ADAMTSL1: variants seen among roughly 807,000 people sequenced by gnomAD.
ADAMTSL1 encodes ADAMTS like 1.
ADAMTSL1 carries 126 observed loss-of-function variants against 201.8 expected under a neutral mutation model. That is an observed-to-expected ratio of 0.62 (90% CI 0.54 to 0.72). The LOEUF (loss-of-function observed/expected upper bound fraction) is 0.72, where lower values mean the gene tolerates loss of function less well. Ranked by LOEUF, ADAMTSL1 falls within the 30% of genes least tolerant of loss-of-function variation. ADAMTSL1 has a pLI of 0.00. For synonymous variants in ADAMTSL1, 1,121 were observed against 903.4 expected (o/e 1.24, Z -4.32); for missense variants, 2,679 against 2,277.8 (o/e 1.18, Z -3.59).
At chr9:18,054,787 A>T (rs573164934) in intron 1 of ADAMTSL1, among the ~76,000 whole-genome samples, 1 of 152,234 alleles carries the variant, frequency 6.6e-6, no homozygotes, top group Admixed American at 6.5e-5. Flanking sequence ...AGAGTTCCAT[A>T]TATTTCCAGA....
chr9:17,951,531 C>A (rs539040098), intron 1 of ADAMTSL1, among the ~76,000 whole-genome samples: 5 of 151,902 alleles, frequency 3.3e-5, no homozygotes, highest in Non-Finnish European at 7.4e-5. Context: ...TTTAATGTAC[C>A]TTTCCTTGAT....
intron 1 of ADAMTSL1, among the ~76,000 whole-genome samples, chr9:18,054,816 T>C (rs1447488997): frequency 1.3e-5 from 2 of 152,364 alleles, no homozygotes; most frequent in Admixed American, 1.3e-4. Flanking sequence ...AGGATGTGGA[T>C]AAATTTAAAA....
intron 2 of ADAMTSL1, among the ~76,000 whole-genome samples, chr9:18,269,233 T>C (rs1832259791): frequency 6.6e-6 from 1 of 152,154 alleles, no homozygotes; most frequent in African/African-American, 2.4e-5. Flanking sequence ...ACATATCATT[T>C]CTCTCCAGCT....
chr9:18,844,300 C>G (rs182427102), intron 23 of ADAMTSL1, among the ~76,000 whole-genome samples: 1 of 152,212 alleles, frequency 6.6e-6, no homozygotes, highest in South Asian at 2.1e-4. Context: ...TAGAGGTCCA[C>G]TCCAGACCCT....
chr9:18,126,735 G>A (rs1587111875), intron 1 of ADAMTSL1, among the ~76,000 whole-genome samples: 1 of 152,284 alleles, frequency 6.6e-6, no homozygotes. Flanking sequence ...CATGACTTGG[G>A]TAAATCTAGT....
At chr9:18,165,892 G>T (rs955204578) in intron 2 of ADAMTSL1, among the ~76,000 whole-genome samples, 3 of 151,930 alleles carry the variant, frequency 2.0e-5, no homozygotes, top group African/African-American at 7.2e-5. Flanking sequence ...AAGGGGAAGA[G>T]TTCAAACATG....
At chr9:18,450,334 G>T (rs1036407240) in intron 2 of ADAMTSL1, among the ~76,000 whole-genome samples, 4 of 152,036 alleles carry the variant, frequency 2.6e-5, no homozygotes, top group Non-Finnish European at 2.9e-5. Context: ...AAAATGGGTA[G>T]ATTTTACTGT....
chr9:18,861,661 G>T (rs909239498), intron 23 of ADAMTSL1, among the ~76,000 whole-genome samples: 1 of 152,196 alleles, frequency 6.6e-6, no homozygotes, highest in East Asian at 1.9e-4. Flanking sequence ...TTTCCAGTAA[G>T]GGCTGTGGAT....
At chr9:18,437,186 C>T (rs1819776326) in intron 2 of ADAMTSL1, among the ~76,000 whole-genome samples, 1 of 152,054 alleles carries the variant, frequency 6.6e-6, no homozygotes, top group African/African-American at 2.4e-5. Context: ...CTTGCAAATC[C>T]ACTGCTTATC....
intron 2 of ADAMTSL1, among the ~76,000 whole-genome samples, chr9:18,453,793 A>C (rs1298751318): frequency 2.0e-5 from 3 of 152,220 alleles, no homozygotes; most frequent in African/African-American, 7.2e-5. Flanking sequence ...GTATCTCTGT[A>C]AACAGTTCAT....
chr9:18,011,756 T>C (rs1413646793), intron 1 of ADAMTSL1, among the ~76,000 whole-genome samples: 1 of 152,010 alleles, frequency 6.6e-6, no homozygotes, highest in East Asian at 1.9e-4. Context: ...TAAAGGGGTT[T>C]TGTGGCTTGC....
chr9:18,848,431 C>A (rs562426826), intron 23 of ADAMTSL1, among the ~76,000 whole-genome samples: 3 of 152,326 alleles, frequency 2.0e-5, no homozygotes, highest in South Asian at 2.1e-4. Flanking sequence ...GCTATTCAGA[C>A]CTAGCCTTTA....
chr9:18,432,242 C>T (rs1449371008), intron 2 of ADAMTSL1, among the ~76,000 whole-genome samples: 3 of 152,134 alleles, frequency 2.0e-5, no homozygotes, highest in Non-Finnish European at 2.9e-5. Context: ...AGACCAACCT[C>T]GAGTCTTTCA....
chr9:18,028,731 C>G (rs1046392847), intron 1 of ADAMTSL1, among the ~76,000 whole-genome samples: 3 of 152,102 alleles, frequency 2.0e-5, no homozygotes, highest in African/African-American at 7.2e-5. Flanking sequence ...TTAGGATTGA[C>G]TTGGCAATGC....
At chr9:18,529,332 A>T (rs753044973) in intron 2 of ADAMTSL1, among the ~76,000 whole-genome samples, 2 of 152,184 alleles carry the variant, frequency 1.3e-5, no homozygotes, top group South Asian at 2.1e-4. Context: ...CCTCAGGCCT[A>T]TTCCCTTCTC....
chr9:18,580,134 G>A (rs1054129133), intron 4 of ADAMTSL1, among the ~76,000 whole-genome samples: 5 of 152,132 alleles, frequency 3.3e-5, no homozygotes, highest in African/African-American at 4.8e-5. Flanking sequence ...AAAAAATTAA[G>A]CATTTCAAAA....
At chr9:18,622,132 T>C in intron 4 of ADAMTSL1, 111 bp from the exon 5 acceptor site, 1 of 1,420,228 alleles carries the variant, frequency 7.0e-7, no homozygotes, top group South Asian at 1.3e-5. Context: ...ACGGGGTATG[T>C]TTTAGGCCCC....
intron 1 of ADAMTSL1, among the ~76,000 whole-genome samples, chr9:17,945,789 G>GGGAA (rs1314407118): frequency 5.9e-5 from 8 of 136,024 alleles, no homozygotes; most frequent in African/African-American, 2.2e-4. Context: ...ACACAGGAGG[G>GGGAA]GGAACATCAC....
At chr9:17,993,411 C>T (rs574495002) in intron 1 of ADAMTSL1, among the ~76,000 whole-genome samples, 1 of 152,238 alleles carries the variant, frequency 6.6e-6, no homozygotes, top group African/African-American at 2.4e-5. Flanking sequence ...GGCTGAAGTT[C>T]ATGCCTTTCA....
Sources: gnomAD v4.1 joint callset for allele counts (sites outside exome capture counted in the v4.1 genomes callset) on GRCh38, gnomAD v4.1.1 for gene constraint, MANE v1.5 for transcripts, NCBI Gene and HGNC (gene_info 2026-07-23, HGNC 2026-07-21) for gene names.